LETMD1: variants seen among roughly 807,000 people sequenced by gnomAD.
LETMD1 encodes LETM1 domain-containing protein 1.
Under a neutral mutation model 43.9 loss-of-function variants are expected in LETMD1, and 30 were observed. The ratio of observed to expected loss-of-function variants is 0.68; its 90% confidence interval spans 0.51 to 0.93. The LOEUF (loss-of-function observed/expected upper bound fraction) is 0.93. Among genes scored for constraint, LETMD1 ranks in the 40% least tolerant of loss-of-function variants. LETMD1 has a pLI of 0.00. For missense variants in LETMD1, 413 were observed against 447.7 expected (o/e 0.92, Z 0.70); for synonymous variants, 176 against 163.1 (o/e 1.08, Z -0.60).
In LETMD1 at chr12:51,059,452, C is replaced by T. The variant is rs754708042; in HGVS notation, c.*21C>T. The T allele has an allele frequency of 3.7e-6, 6 of 1,606,900 alleles. No individual in the cohort carries two copies. The Admixed American group carries it at 6.7e-5, about 18-fold the overall frequency. The stretch of plus-strand genomic sequence containing the variant: ...GCTGAATGAACCATGGAGCGGATGG[C>T]ATTGTCCTGCAGTCGTATAGTATAG... On this transcript the variant is annotated 3_prime_UTR_variant, in exon 9 of 9. Coordinates refer to ENST00000262055, the MANE Select transcript of LETMD1 (RefSeq NM_015416.5).
downstream of LETMD1, chr12:51,062,859 C>T (rs1032548947): frequency 6.6e-6 from 1 of 152,540 alleles, no homozygotes; most frequent in African/African-American, 2.4e-5. Context: ...AGATAGCAAG[C>T]AGCCTGTTCC....
At chr12:51,065,533 T>C in the LETMD1 span, among the ~76,000 whole-genome samples, 4 of 152,314 alleles carry the variant, frequency 2.6e-5, no homozygotes, top group Admixed American at 6.5e-5. Flanking sequence ...TCTTGCTCTG[T>C]CGTCCAGGCT....
At chr12:51,064,516 C>T (rs1054928727), downstream of LETMD1, 16 of 1,612,976 alleles carry the variant, frequency 9.9e-6, no homozygotes, top group Non-Finnish European at 1.4e-5. Flanking sequence ...TCTGGGGCTG[C>T]TGGGCGGCTC....
downstream of LETMD1, among the ~76,000 whole-genome samples, chr12:51,065,289 G>GCAGTTAC (rs1395467594): frequency 2.6e-5 from 4 of 152,282 alleles, no homozygotes; most frequent in Middle Eastern, 3.4e-3. Flanking sequence ...TAGTTCTGAA[G>GCAGTTAC]CAGTTACCAA....
Position 51,059,625 on chromosome 12 carries a change from C to A in LETMD1, c.*194C>A. Reference sequence around the variant, plus strand: ...ATTCCTCTCACAGCTAGAACTGAAACAAACCCTCTTGCTAGGGGTGGTCCG... The same window carrying A: ...ATTCCTCTCACAGCTAGAACTGAAAAAAACCCTCTTGCTAGGGGTGGTCCG... On this transcript the variant is annotated 3_prime_UTR_variant, in exon 9 of 9. Coordinates refer to ENST00000262055, the MANE Select transcript of LETMD1 (RefSeq NM_015416.5). 1 of 603,956 alleles carries A rather than the reference C, an allele frequency of 1.7e-6. No individual in the cohort carries two copies. The highest frequency in any genetic ancestry group is 3.0e-6 in the Non-Finnish European group (1 of 329,562). 37.4% of individuals were successfully genotyped at this position (603,956 alleles called of 1,614,324 possible). A position where few individuals can be genotyped will look rare whatever the true frequency, so the allele number is the denominator to read the frequency against.
chr12:51,067,686 C>A, the LETMD1 span: 1 of 1,613,472 alleles, frequency 6.2e-7, no homozygotes. The surrounding 1 kb of genome is among the most constrained non-coding windows in gnomAD (Gnocchi z 4.1). Context: ...GCATTTAATC[C>A]CAGCCTGGCT....
At chr12:51,054,227 T>A (rs1946986786) in intron 4 of LETMD1, among the ~76,000 whole-genome samples, 1 of 152,208 alleles carries the variant, frequency 6.6e-6, no homozygotes, top group South Asian at 2.1e-4. Flanking sequence ...TTACTTCATA[T>A]CCAAAAATGA....
the LETMD1 span, chr12:51,067,882 C>T: frequency 5.6e-6 from 9 of 1,614,108 alleles, no homozygotes; most frequent in African/African-American, 1.1e-4. The surrounding 1 kb of genome is among the most constrained non-coding windows in gnomAD (Gnocchi z 4.1). Flanking sequence ...TCCACCTCCA[C>T]ATTTTCCACA....
chr12:51,048,893 G>C, intron 1 of LETMD1, 141 bp from the exon 2 acceptor site: 1 of 793,580 alleles, frequency 1.3e-6, no homozygotes, highest in East Asian at 2.6e-5. Flanking sequence ...ATCTCTTCTT[G>C]ACCCCAAGAC....
Position 51,053,777 on chromosome 12 carries a change from G to A in LETMD1, c.391-1G>A, listed in dbSNP as rs1946842634. On this transcript the variant is annotated splice_acceptor_variant, in intron 3 of 8. Transcript: ENST00000262055. LOFTEE classifies it high-confidence loss of function. ...CTGCATCTGTGTTTATTTCTGCTTA[G>A]TTCCGCCAAGACGTCACCAAGTGTC... 7 of 1,608,778 alleles carry A rather than the reference G, an allele frequency of 4.4e-6. No homozygotes were observed. Among genetic ancestry groups the A allele is most frequent in the Non-Finnish European group, 5.9e-6 (7 of 1,177,434 alleles).
chr12:51,067,552 GGA>G, the LETMD1 span: 2 of 908,300 alleles, frequency 2.2e-6, no homozygotes, highest in Non-Finnish European at 1.7e-6. This position sits in a 1 kb window ranked among gnomAD's most constrained non-coding sequence, Gnocchi z 4.1. Flanking sequence ...TTGTGGAACT[GGA>G]GAGTGTTCAC....
chr12:51,055,844 T>A lies in LETMD1; in HGVS notation c.483T>A (p.Phe161Leu). ...NYLVFLLMYL[F>L]PRQLLIRHFW... ...TTCTTTCTCCTTTCAGGTACCTGTT[T>A]CCCAGGCAACTACTGATCAGGCATT... The change falls in exon 5 of 9, where the codon TTT becomes TTA. Residue 161 changes from phenylalanine to leucine, a missense_variant. Phe to Leu is a conservative substitution (Grantham distance 22). Transcript: ENST00000262055. 1.9e-6 allele frequency: 3 copies of A among 1,599,058 alleles called. No homozygotes were observed. The highest frequency in any genetic ancestry group is 2.6e-6 in the Non-Finnish European group (3 of 1,172,690).
downstream of LETMD1, chr12:51,063,167 T>C (rs1443601205): frequency 2.6e-5 from 4 of 152,050 alleles, no homozygotes; most frequent in Admixed American, 6.5e-5. Flanking sequence ...ATGTCAAATA[T>C]TAACTTATTT....
chr12:51,055,758 C>T, intron 4 of LETMD1, 77 bp from the exon 5 acceptor site: 1 of 930,836 alleles, frequency 1.1e-6, no homozygotes, highest in Non-Finnish European at 1.6e-6. Flanking sequence ...GTATTCATGT[C>T]TACCAAATGC....
chr12:51,048,773 A>G (rs1945080831), intron 1 of LETMD1: 2 of 587,804 alleles, frequency 3.4e-6, no homozygotes, highest in Middle Eastern at 4.6e-4. Flanking sequence ...TTTCTGACTT[A>G]GCCTGCAGTT....
At chr12:51,054,422 A>C (rs1947047536) in intron 4 of LETMD1, among the ~76,000 whole-genome samples, 1 of 152,200 alleles carries the variant, frequency 6.6e-6, no homozygotes, top group Admixed American at 6.5e-5. Flanking sequence ...GAGGTCCCTT[A>C]GTGATATTTA....
At position 51,055,852 on chromosome 12, in the gene LETMD1, A is replaced by G. The variant is rs929907020; in HGVS notation, c.491A>G (p.Gln164Arg). ...CCTTTCAGGTACCTGTTTCCCAGGC[A>G]ACTACTGATCAGGCATTTCTGGACC... is the stretch of plus-strand genomic sequence containing the variant. ...VFLLMYLFPR[Q>R]LLIRHFWTPK... The change falls in exon 5 of 9, where the codon CAA becomes CGA. Residue 164 changes from glutamine to arginine, a missense_variant. Gln to Arg is a conservative substitution (Grantham distance 43, BLOSUM62 1). Transcript: ENST00000262055. 2.2e-5 allele frequency: 35 copies of G among 1,608,492 alleles called. No individual in the cohort carries two copies. Among genetic ancestry groups the G allele is most frequent in the Non-Finnish European group, 2.8e-5 (33 of 1,177,292 alleles).
intron 5 of LETMD1, 33 bp from the exon 6 acceptor site, chr12:51,056,111 C>A (rs781093640): frequency 6.2e-7 from 1 of 1,610,562 alleles, no homozygotes; most frequent in African/African-American, 1.3e-5. Context: ...TCAGGACTTT[C>A]CTAACATCTA....
chr12:51,059,590 A>G lies in LETMD1; in HGVS notation c.*159A>G. 4.5e-6 allele frequency: 3 copies of G among 661,370 alleles called. No individual in the cohort carries two copies. The highest frequency in any genetic ancestry group is 8.3e-6 in the Non-Finnish European group (3 of 362,350). The allele number at this position is 661,370 out of a possible 1,614,324, so 41.0% of individuals were successfully genotyped here. A position where few individuals can be genotyped will look rare whatever the true frequency, so the allele number is the denominator to read the frequency against. On this transcript the variant is annotated 3_prime_UTR_variant, in exon 9 of 9. Transcript: ENST00000262055. The stretch of plus-strand genomic sequence containing the variant: ...CTTCACAGCATGGCACACATGTGGG[A>G]ACTGCAGACATTCCTCTCACAGCTA...
Sources: allele counts gnomAD v4.1 joint callset (sites outside exome capture counted in the v4.1 genomes callset), GRCh38; gene constraint gnomAD v4.1.1; non-coding constraint Gnocchi (gnomAD v3.1); transcripts MANE v1.5; gene names NCBI Gene and HGNC (gene_info 2026-07-23, HGNC 2026-07-21).